Variants in CD9 observed in about 807,000 individuals in gnomAD.
CD9 encodes the protein CD9 antigen.
A neutral mutation model predicts 31.4 loss-of-function variants in CD9; 10 were observed. That is an observed-to-expected ratio of 0.32 (90% CI 0.20 to 0.54). The LOEUF (loss-of-function observed/expected upper bound fraction) is 0.54. Ranked by LOEUF, CD9 falls within the 20% of genes least tolerant of loss-of-function variation. The pLI, the probability that CD9 is intolerant of heterozygous loss-of-function variation, is 0.94. For synonymous variants in CD9, 113 were observed against 114.1 expected (o/e 0.99, Z 0.06); for missense variants, 259 against 300.1 (o/e 0.86, Z 1.01).
Position 6,233,480 on chromosome 12 carries a change from G to C in CD9, c.342G>C (p.Lys114Asn). ...CGGCCATCTGGGGATATTCCCACAA[G>C]GATGAGGTAGGTTTTTCCCATGAGA... ...IAAAIWGYSH[K>N]DEVIKEVQEF... Residue 114 changes from lysine (K) to asparagine (N), a missense_variant, in exon 4 of 8, where the codon AAG (lysine) becomes AAC (asparagine). Lys to Asn is a moderately conservative substitution (Grantham distance 94). Coordinates refer to ENST00000009180, the MANE Select transcript of CD9 (RefSeq NM_001769.4). 3.7e-6 allele frequency: 6 copies of C among 1,612,574 alleles called. No individual in the cohort carries two copies. The highest frequency in any genetic ancestry group is 5.1e-6 in the Non-Finnish European group (6 of 1,178,592).
chr12:6,221,274 G>C lies in CD9; in HGVS notation c.67-4152G>C, dbSNP rs576737111. On this transcript the variant is annotated intron_variant, in intron 1 of 7. Transcript: ENST00000009180. Reference sequence around the variant, plus strand: ...GAATGTTTCCATTTGGCTTTTCTTGGAAACAAAAGAGGAAACCATGGGCAG... The same window carrying C: ...GAATGTTTCCATTTGGCTTTTCTTGCAAACAAAAGAGGAAACCATGGGCAG... Among the ~76,000 whole-genome samples the C allele has an allele frequency of 7.6e-4, 116 of 152,280 alleles. 1 individual carries two copies. Among genetic ancestry groups the C allele is most frequent in the African/African-American group, 2.6e-3 (110 of 41,562 alleles).
At chr12:6,236,438 G>A (rs1946525186) in intron 7 of CD9, 163 bp downstream of exon 7, 1 of 648,418 alleles carries the variant, frequency 1.5e-6, no homozygotes, top group East Asian at 2.7e-5. Context: ...AGACAGAGAG[G>A]CCGATGTTCT....
At chr12:6,214,471 C>T (rs747334065) in intron 1 of CD9, among the ~76,000 whole-genome samples, 8 of 151,346 alleles carry the variant, frequency 5.3e-5, no homozygotes, top group Non-Finnish European at 1.0e-4. Flanking sequence ...CTCAGCCCCC[C>T]AAGTAGCTGG....
chr12:6,214,728 G>A (rs1946226767), intron 1 of CD9, among the ~76,000 whole-genome samples: 1 of 152,020 alleles, frequency 6.6e-6, no homozygotes, highest in Non-Finnish European at 1.5e-5. Context: ...GCATAACAGC[G>A]AGCTGGCCTA....
chr12:6,210,865 T>TTGC lies in CD9; in HGVS notation c.66+10300_66+10301insTGC, dbSNP rs1406494860. Among the ~76,000 whole-genome samples, 24 of 145,102 alleles carry TTGC rather than the reference T, an allele frequency of 1.7e-4. 1 individual carries two copies. The highest frequency in any genetic ancestry group is 1.3e-3 in the Admixed American group (19 of 14,102). ...TTTTTTTTTTTTTTTTGAGAAGGAG[T>TTGC]CTCGCTCTGTTGCCAGGCTGGAGTG... On this transcript the variant is annotated intron_variant, in intron 1 of 7. Transcript: ENST00000009180.
At chr12:6,228,218 T>C (rs1946394370) in intron 2 of CD9, among the ~76,000 whole-genome samples, 1 of 152,150 alleles carries the variant, frequency 6.6e-6, no homozygotes. Context: ...AGGGGGATGA[T>C]GCACGGTAAA....
intron 1 of CD9, among the ~76,000 whole-genome samples, chr12:6,209,413 C>G (rs995354731): frequency 2.6e-5 from 4 of 152,204 alleles, no homozygotes; most frequent in African/African-American, 7.2e-5. Flanking sequence ...TCATCCATAC[C>G]TCCCTCAGCG....
intron 1 of CD9, among the ~76,000 whole-genome samples, chr12:6,217,233 C>T (rs906664020): frequency 2.0e-5 from 3 of 152,074 alleles, no homozygotes; most frequent in African/African-American, 7.3e-5. Flanking sequence ...TTAGAAATCC[C>T]CCAGGTAGGC....
At chr12:6,200,246 G>A (rs1455062852), upstream of CD9, 58 of 189,366 alleles carry the variant, frequency 3.1e-4, no homozygotes, top group African/African-American at 1.4e-3. Context: ...GGGGGCGGGG[G>A]GCGGGGGGGG....
Position 6,237,730 on chromosome 12 carries a change from AC to A in CD9, c.622-30del, listed in dbSNP as rs1319287517. 1.9e-6 allele frequency: 3 copies of A among 1,556,384 alleles called. No individual in the cohort carries two copies. In the African/African-American group the frequency reaches 4.1e-5, roughly 21 times the overall value. On this transcript the variant is annotated intron_variant, in intron 7 of 7. Transcript: ENST00000009180. Reference sequence around the variant, plus strand: ...CCTCAGCCTTCCTTCAGATCAAACCACCCTGATCCTCATGTTTCTTCCTATC... The same window carrying A: ...CCTCAGCCTTCCTTCAGATCAAACCACCTGATCCTCATGTTTCTTCCTATC...
intron 1 of CD9, among the ~76,000 whole-genome samples, chr12:6,201,285 G>A (rs2136594807): frequency 6.8e-6 from 1 of 147,774 alleles, no homozygotes. Context: ...AGGACGATAA[G>A]TATCTTCACT....
chr12:6,200,235 CG>C (rs1387830707), upstream of CD9: 21 of 40,668 alleles, frequency 5.2e-4, no homozygotes, highest in Non-Finnish European at 8.0e-4. Flanking sequence ...CCGACCTGGG[CG>C]GGGGCGGGGG....
At chr12:6,204,296 T>C (rs1331113043) in intron 1 of CD9, among the ~76,000 whole-genome samples, 1 of 152,202 alleles carries the variant, frequency 6.6e-6, no homozygotes, top group African/African-American at 2.4e-5. Flanking sequence ...TTGGGTACGA[T>C]GTATACTATG....
intron 1 of CD9, among the ~76,000 whole-genome samples, chr12:6,202,994 G>C: frequency 6.6e-6 from 1 of 152,142 alleles, no homozygotes; most frequent in Non-Finnish European, 1.5e-5. Context: ...CCTGTATCTG[G>C]GTCCCTGTGG....
intron 1 of CD9, among the ~76,000 whole-genome samples, chr12:6,205,057 G>A (rs1946115926): frequency 6.6e-6 from 1 of 152,234 alleles, no homozygotes; most frequent in Non-Finnish European, 1.5e-5. Flanking sequence ...TTGGGTGGCA[G>A]TGGCAAAAGC....
In CD9 at chr12:6,236,188, CA is replaced by C. The variant is rs1382328426; in HGVS notation, c.538-2del. On this transcript the variant is annotated splice_region_variant and splice_polypyrimidine_tract_variant and intron_variant, in intron 6 of 7. Transcript: ENST00000009180. The stretch of plus-strand genomic sequence containing the variant: ...TGACCCAGGTCTTGGTTTGTCTCCC[CA>C]AGTCCTGTCCTGATGCCATCAAAGA... 6.8e-6 allele frequency: 11 copies of C among 1,614,052 alleles called. No individual in the cohort carries two copies. The highest frequency in any genetic ancestry group is 1.6e-4 in the Middle Eastern group (1 of 6,084).
chr12:6,203,152 T>C (rs1328346775), intron 1 of CD9, among the ~76,000 whole-genome samples: 2 of 152,278 alleles, frequency 1.3e-5, no homozygotes, highest in African/African-American at 4.8e-5. Flanking sequence ...ACTGTACTGA[T>C]GATCAGGAAA....
intron 3 of CD9, chr12:6,233,137 CTCTTAACTAACGCCTTG>C (rs1946472581): frequency 5.8e-6 from 4 of 688,284 alleles, no homozygotes; most frequent in East Asian, 2.7e-5. Flanking sequence ...TGCTCACTGA[CTCTTAACTAACGCCTTG>C]TAAATGCTAG....
chr12:6,231,541 G>A (rs1237401190), intron 2 of CD9, among the ~76,000 whole-genome samples: 1 of 152,224 alleles, frequency 6.6e-6, no homozygotes, highest in African/African-American at 2.4e-5. Context: ...AATAGTCCCT[G>A]CAGGACAGCT....
Sources: gnomAD v4.1 joint callset for allele counts (sites outside exome capture counted in the v4.1 genomes callset) on GRCh38, gnomAD v4.1.1 for gene constraint, MANE v1.5 for transcripts, NCBI Gene and HGNC (gene_info 2026-07-23, HGNC 2026-07-21) for gene names.